TEX11: variants seen among roughly 807,000 people sequenced by gnomAD.
TEX11 encodes the protein testis expressed 11.
A neutral mutation model predicts 84.4 loss-of-function variants in TEX11; 7 were observed. That is an observed-to-expected ratio of 0.08 (90% confidence interval 0.05 to 0.16). The LOEUF (loss-of-function observed/expected upper bound fraction) is 0.16, where lower values mean the gene tolerates loss of function less well. Ranked by LOEUF, TEX11 falls within the 10% of genes least tolerant of loss-of-function variation. TEX11 has a pLI of 1.00. For synonymous variants in TEX11, 264 were observed against 222.8 expected (o/e 1.18, Z -1.64); for missense variants, 551 against 660.5 (o/e 0.83, Z 1.82).
At chrX:70,687,740 G>T (rs184909389) in intron 13 of TEX11, among the ~76,000 whole-genome samples, 1 of 111,198 alleles carries the variant, frequency 9.0e-6, no homozygotes, top group African/African-American at 3.3e-5. Context: ...CAGCTATTTG[G>T]CAGGCTGAAG....
chrX:70,853,434 A>AT (rs2091519606), intron 5 of TEX11, 106 bp from the exon 6 acceptor site: 2 of 537,100 alleles, frequency 3.7e-6, no homozygotes, highest in Non-Finnish European at 5.9e-6. Flanking sequence ...ATTCAGTCTT[A>AT]TAACTCACAG....
At chrX:70,547,803 A>G (rs1424952890) in intron 28 of TEX11, among the ~76,000 whole-genome samples, 3 of 111,894 alleles carry the variant, frequency 2.7e-5, no homozygotes, top group Non-Finnish European at 3.8e-5. Context: ...AAACAGGAAC[A>G]CTTTTACACT....
chrX:70,584,933 C>A (rs1172021044), intron 25 of TEX11, among the ~76,000 whole-genome samples: 1 of 111,765 alleles, frequency 8.9e-6, no homozygotes, highest in Admixed American at 9.6e-5. Context: ...AAGGTGGAAG[C>A]TTAGCCCTAA....
At chrX:70,694,010 A>T (rs1301182858) in intron 13 of TEX11, among the ~76,000 whole-genome samples, 2 of 111,632 alleles carry the variant, frequency 1.8e-5, no homozygotes, top group African/African-American at 6.5e-5. Flanking sequence ...TAAAAGTTAA[A>T]AAAAACCCCA....
At chrX:70,755,805 G>A (rs911293235) in intron 9 of TEX11, among the ~76,000 whole-genome samples, 3 of 112,453 alleles carry the variant, frequency 2.7e-5, no homozygotes, top group Non-Finnish European at 5.6e-5. Flanking sequence ...CCTCAACCGG[G>A]AAGCACAAGG....
At position 70,553,392 on chromosome X, in the gene TEX11, T is replaced by A; in HGVS notation, c.2313A>T (p.Ala771=). 8.3e-7 allele frequency: 1 copy of A among 1,202,791 alleles called. No individual in the cohort carries two copies. Among genetic ancestry groups the A allele is most frequent in the Non-Finnish European group, 1.1e-6 (1 of 890,602 alleles). Residue 771 remains alanine (A), a synonymous_variant, in exon 27 of 30, where the codon GCA becomes GCT. Transcript: ENST00000374333. ...CCTTGAGAGCAATCAAAGGATAGTG[T>A]GCAGGCTTTTCCATTGCTATTACTA... ...TIAIIAMEKP[A]HYPLIALKAL... is the part of the protein sequence containing the mutation.
chrX:70,879,411 A>T (rs1056318139), intron 3 of TEX11, among the ~76,000 whole-genome samples: 7 of 111,407 alleles, frequency 6.3e-5, no homozygotes, highest in Non-Finnish European at 1.3e-4. Flanking sequence ...TCACCTTTCC[A>T]TACAAGTAGT....
chrX:70,711,363 C>T (rs748104344), intron 13 of TEX11, among the ~76,000 whole-genome samples: 270 of 110,684 alleles, frequency 2.4e-3, no homozygotes, highest in Non-Finnish European at 4.3e-3. Context: ...GGAATCGCCA[C>T]ACTGACTTCC....
intron 15 of TEX11, chrX:70,673,381 TCAAA>T (rs1205124300): frequency 9.0e-6 from 1 of 111,506 alleles, no homozygotes; most frequent in Non-Finnish European, 1.9e-5. Context: ...CCTCAGCCTC[TCAAA>T]GCACTGGGAT....
At chrX:70,766,266 G>T (rs772874717) in intron 9 of TEX11, among the ~76,000 whole-genome samples, 3 of 110,280 alleles carry the variant, frequency 2.7e-5, no homozygotes, top group Non-Finnish European at 5.7e-5. Context: ...ATAAAACTTA[G>T]CTGGGCATGG....
intron 13 of TEX11, among the ~76,000 whole-genome samples, chrX:70,695,233 T>C (rs1427330767): frequency 1.8e-5 from 2 of 112,160 alleles, no homozygotes; most frequent in African/African-American, 6.5e-5. Context: ...AAAATGTCTA[T>C]GAACAGCTGA....
intron 17 of TEX11, among the ~76,000 whole-genome samples, chrX:70,651,124 C>T (rs2089805518): frequency 8.9e-6 from 1 of 111,740 alleles, no homozygotes; most frequent in Non-Finnish European, 1.9e-5. Flanking sequence ...TATAATCTCA[C>T]CCACACACAG....
At chrX:70,567,860 G>A (rs1325611397) in intron 25 of TEX11, among the ~76,000 whole-genome samples, 1 of 111,562 alleles carries the variant, frequency 9.0e-6, no homozygotes, top group African/African-American at 3.3e-5. Flanking sequence ...GTGGTGTGGT[G>A]CAGAAAAAAA....
the TEX11 span, among the ~76,000 whole-genome samples, chrX:70,521,611 C>A: frequency 2.0e-4 from 22 of 111,473 alleles, no homozygotes; most frequent in Admixed American, 2.1e-3. Flanking sequence ...GACGATATTA[C>A]CCCTCAGAAC....
chrX:70,655,374 A>T (rs2089854341), intron 16 of TEX11, among the ~76,000 whole-genome samples: 1 of 111,689 alleles, frequency 9.0e-6, no homozygotes, highest in African/African-American at 3.3e-5. Flanking sequence ...CTTACAACTT[A>T]TGACAGGGTT....
At chrX:70,619,271 T>C (rs138303249) in intron 20 of TEX11, among the ~76,000 whole-genome samples, 377 of 111,602 alleles carry the variant, frequency 3.4e-3, no homozygotes, top group African/African-American at 0.012. Flanking sequence ...TAAGGGCCTC[T>C]TGGGGGCAGG....
At chrX:70,598,095 C>A (rs1227176963) in intron 24 of TEX11, among the ~76,000 whole-genome samples, 2 of 111,937 alleles carry the variant, frequency 1.8e-5, no homozygotes, top group African/African-American at 6.5e-5. Context: ...GCAGGAGAAT[C>A]ACTTGAACCT....
the TEX11 span, among the ~76,000 whole-genome samples, chrX:70,513,987 C>G: frequency 1.8e-5 from 2 of 109,191 alleles, no homozygotes; most frequent in African/African-American, 6.8e-5. Flanking sequence ...CTTCAGCTGT[C>G]TTGGTATAAA....
Position 70,759,309 on chromosome X carries a change from C to T in TEX11, c.693-15090G>A, listed in dbSNP as rs749657291. Reference sequence around the variant, plus strand: ...CTGACACCAAAGCCTGGCAGGGACACAACAAAAAAACAGAATTTTAGACCA... The same window carrying T: ...CTGACACCAAAGCCTGGCAGGGACATAACAAAAAAACAGAATTTTAGACCA... On this transcript the variant is annotated intron_variant, in intron 9 of 29. Transcript: ENST00000374333. Among the ~76,000 whole-genome samples, 8 of 111,402 alleles carry T rather than the reference C, an allele frequency of 7.2e-5. No homozygotes were observed. The East Asian group carries it at 2.2e-3, about 31-fold the overall frequency.
Sources: allele counts gnomAD v4.1 joint callset (sites outside exome capture counted in the v4.1 genomes callset), GRCh38; gene constraint gnomAD v4.1.1; transcripts MANE v1.5; gene names NCBI Gene and HGNC (gene_info 2026-07-23, HGNC 2026-07-21).